Variants in PHLPP1 observed in about 807,000 individuals in gnomAD.
PHLPP1 encodes PH domain and leucine rich repeat protein phosphatase 1.
PHLPP1 carries 42 observed loss-of-function variants against 117.2 expected under a neutral mutation model. The ratio of observed to expected loss-of-function variants is 0.36; its 90% CI spans 0.28 to 0.46. PHLPP1 has a LOEUF of 0.46. Ranked by LOEUF, PHLPP1 falls within the 20% of genes least tolerant of loss-of-function variation. The pLI is 1.00. For synonymous variants in PHLPP1, 1,042 were observed against 970.7 expected (o/e 1.07, Z -1.37); for missense variants, 2,084 against 2,241.9 (o/e 0.93, Z 1.42).
In PHLPP1 at chr18:62,979,568, C is replaced by A; in HGVS notation, c.*137C>A. The A allele has an allele frequency of 1.1e-6, 1 of 913,636 alleles. No individual in the cohort carries two copies. Among genetic ancestry groups the A allele is most frequent in the Non-Finnish European group, 1.6e-6 (1 of 614,252 alleles). The allele number at this position is 913,636 out of a possible 1,614,324, so 56.6% of individuals were successfully genotyped here. A position where few individuals can be genotyped will look rare whatever the true frequency, so the allele number is the denominator to read the frequency against. ...TTCCCAACCTGTCATCGCAGCTAAT[C>A]TGTAGGTTCTCTTTCTTTGGGTTAT... On this transcript the variant is annotated 3_prime_UTR_variant, in exon 17 of 17. Transcript: ENST00000262719.
At chr18:62,884,666 A>G (rs1916243951) in intron 4 of PHLPP1, among the ~76,000 whole-genome samples, 1 of 152,384 alleles carries the variant, frequency 6.6e-6, no homozygotes. Context: ...CCACAGAGGA[A>G]AAAACAAGTT....
At chr18:62,939,430 A>T (rs2102326) in intron 10 of PHLPP1, among the ~76,000 whole-genome samples, 77,792 of 152,016 alleles carry the variant, frequency 0.51, 20,000 homozygotes, top group East Asian at 0.63. Context: ...AACAGGAAAT[A>T]AGGTGGTCTA....
At chr18:62,829,344 A>G (rs1914693216) in intron 1 of PHLPP1, among the ~76,000 whole-genome samples, 1 of 152,214 alleles carries the variant, frequency 6.6e-6, no homozygotes, top group Non-Finnish European at 1.5e-5. Flanking sequence ...GTTGGATGTT[A>G]TTTTCCTATC....
At chr18:62,821,091 T>C (rs1914440364) in intron 1 of PHLPP1, among the ~76,000 whole-genome samples, 2 of 152,234 alleles carry the variant, frequency 1.3e-5, no homozygotes, top group African/African-American at 4.8e-5. Context: ...TACCAGAATT[T>C]ATGGGATGCA....
intron 9 of PHLPP1, among the ~76,000 whole-genome samples, chr18:62,918,429 A>AATAAATATATAT (rs375057055): frequency 7.1e-6 from 1 of 140,458 alleles, no homozygotes; most frequent in Admixed American, 7.2e-5. Context: ...GTAAAGGATA[A>AATAAATATATAT]ATATATATAT....
chr18:62,971,390 T>C (rs1171628466), intron 14 of PHLPP1, among the ~76,000 whole-genome samples: 1 of 151,984 alleles, frequency 6.6e-6, no homozygotes, highest in Non-Finnish European at 1.5e-5. Context: ...CTTTTTTTTT[T>C]CCTCTCTGTT....
At chr18:62,861,199 T>G (rs1403542881) in intron 4 of PHLPP1, among the ~76,000 whole-genome samples, 2 of 152,110 alleles carry the variant, frequency 1.3e-5, no homozygotes, top group African/African-American at 4.8e-5. Context: ...AACCTCCTCC[T>G]CCTGGGCCCA....
At chr18:62,736,294 A>G (rs1911366511) in intron 1 of PHLPP1, among the ~76,000 whole-genome samples, 1 of 152,222 alleles carries the variant, frequency 6.6e-6, no homozygotes, top group African/African-American at 2.4e-5. Context: ...CATTTTAACA[A>G]GATCCCCAGG....
chr18:62,971,931 G>A (rs906491221), intron 14 of PHLPP1, among the ~76,000 whole-genome samples: 1 of 152,124 alleles, frequency 6.6e-6, no homozygotes, highest in Middle Eastern at 3.2e-3. Context: ...AGCTACTCAG[G>A]AGGCTGAGGT....
intron 1 of PHLPP1, among the ~76,000 whole-genome samples, chr18:62,829,012 G>A (rs1914684721): frequency 6.6e-6 from 1 of 152,182 alleles, no homozygotes; most frequent in Non-Finnish European, 1.5e-5. Flanking sequence ...AAGTTGATAA[G>A]ACTTGCCTAA....
intron 1 of PHLPP1, among the ~76,000 whole-genome samples, chr18:62,816,211 A>G (rs987432850): frequency 6.6e-6 from 1 of 152,174 alleles, no homozygotes; most frequent in Non-Finnish European, 1.5e-5. Context: ...CTTGAAACCT[A>G]TTTTCAAATT....
In PHLPP1 at chr18:62,716,785, AGCG is replaced by A. The variant is rs1342098740; in HGVS notation, c.1111_1113del (p.Gly371del). 1 of 1,525,790 alleles carries A rather than the reference AGCG, an allele frequency of 6.6e-7. No individual in the cohort carries two copies. The highest frequency in any genetic ancestry group is 8.8e-7 in the Non-Finnish European group (1 of 1,142,084). The allele number at this position is 1,525,790 out of a possible 1,614,324, so 94.5% of individuals were successfully genotyped here. A position where few individuals can be genotyped will look rare whatever the true frequency, so the allele number is the denominator to read the frequency against. ...GTCTGACCGGTTGGACCCCTACAGC[AGCG>A]GCGGCGGCTCCTCGTCGTCGTCGGA... On this transcript the variant is annotated inframe_deletion, in exon 1 of 17. Coordinates refer to ENST00000262719, the MANE Select transcript of PHLPP1 (RefSeq NM_194449.4). This position sits in a 1 kb window ranked among gnomAD's most constrained non-coding sequence, Gnocchi z 5.7.
chr18:62,979,227 C>T lies in PHLPP1; in HGVS notation c.4950C>T (p.Gly1650=). 1 of 1,606,588 alleles carries T rather than the reference C, an allele frequency of 6.2e-7. No homozygotes were observed. The highest frequency in any genetic ancestry group is 8.5e-7 in the Non-Finnish European group (1 of 1,176,450). ...ATDAPLRKPG[G]YFAAPAQPDP... is the part of the protein sequence containing the mutation. Reference sequence around the variant, plus strand: ...ACGCACCTCTTCGAAAGCCTGGAGGCTATTTTGCTGCCCCGGCTCAGCCGG... The same window carrying T: ...ACGCACCTCTTCGAAAGCCTGGAGGTTATTTTGCTGCCCCGGCTCAGCCGG... Residue 1650 remains glycine, a synonymous_variant, in exon 17 of 17, where the codon GGC becomes GGT. Transcript: ENST00000262719.
intron 1 of PHLPP1, among the ~76,000 whole-genome samples, chr18:62,795,912 T>TA (rs1913618587): frequency 6.6e-6 from 1 of 152,248 alleles, no homozygotes; most frequent in South Asian, 2.1e-4. Flanking sequence ...TGTACACAGC[T>TA]ATTAAAGTAA....
intron 1 of PHLPP1, among the ~76,000 whole-genome samples, chr18:62,828,511 A>C (rs1336724678): frequency 6.6e-6 from 1 of 152,212 alleles, no homozygotes; most frequent in Non-Finnish European, 1.5e-5. Flanking sequence ...GCCCAGCCTC[A>C]GCAAAATTTT....
At chr18:62,935,349 T>A (rs545352727) in intron 10 of PHLPP1, among the ~76,000 whole-genome samples, 1 of 152,310 alleles carries the variant, frequency 6.6e-6, no homozygotes, top group South Asian at 2.1e-4. Context: ...AATAAAACGT[T>A]AAAACACTTC....
intron 16 of PHLPP1, among the ~76,000 whole-genome samples, chr18:62,975,860 A>C (rs1025192475): frequency 6.6e-6 from 1 of 152,222 alleles, no homozygotes; most frequent in African/African-American, 2.4e-5. Flanking sequence ...GCATGATCCC[A>C]TTCCATGTTT....
chr18:62,759,947 C>A (rs1426824628), intron 1 of PHLPP1, among the ~76,000 whole-genome samples: 2 of 152,130 alleles, frequency 1.3e-5, no homozygotes, highest in Admixed American at 1.3e-4. Context: ...GGATATGATT[C>A]ATCTAGTTTT....
intron 1 of PHLPP1, among the ~76,000 whole-genome samples, chr18:62,726,744 C>T (rs796942431): frequency 2.6e-5 from 4 of 151,464 alleles, no homozygotes; most frequent in African/African-American, 9.7e-5. Context: ...CCACCACGCT[C>T]AGCTAACTTT....
Sources: allele counts gnomAD v4.1 joint callset (sites outside exome capture counted in the v4.1 genomes callset), GRCh38; gene constraint gnomAD v4.1.1; non-coding constraint Gnocchi (gnomAD v3.1); transcripts MANE v1.5; gene names NCBI Gene and HGNC (gene_info 2026-07-23, HGNC 2026-07-21).